FMN2: variants seen among roughly 807,000 people sequenced by gnomAD.
The protein encoded by FMN2 is formin 2.
In FMN2, 51 loss-of-function variants were observed where a neutral mutation model predicts 142.3. The observed-to-expected ratio is 0.36, with a 90% CI of 0.29 to 0.45. The LOEUF is 0.45. Among genes scored for constraint, FMN2 ranks in the 20% least tolerant of loss-of-function variants. The pLI, the probability that FMN2 is intolerant of heterozygous loss-of-function variation, is 1.00. For synonymous variants in FMN2, 882 were observed against 869.8 expected (o/e 1.01, Z -0.25); for missense variants, 1,936 against 2,122.8 (o/e 0.91, Z 1.73).
At chr1:240,397,123 C>T (rs184414137) in intron 15 of FMN2, among the ~76,000 whole-genome samples, 1 of 152,240 alleles carries the variant, frequency 6.6e-6, no homozygotes, top group East Asian at 1.9e-4. Context: ...ACATCTGTTA[C>T]GTTTTGACTT....
chr1:240,129,731 GACC>G (rs1662658897), intron 2 of FMN2, among the ~76,000 whole-genome samples: 1 of 151,958 alleles, frequency 6.6e-6, no homozygotes, highest in African/African-American at 2.4e-5. Flanking sequence ...TCGAACTCCT[GACC>G]TCAAGTGATC....
intron 7 of FMN2, among the ~76,000 whole-genome samples, chr1:240,260,551 CT>C (rs1183755934): frequency 6.6e-6 from 1 of 152,018 alleles, no homozygotes; most frequent in African/African-American, 2.4e-5. Context: ...TGTATATCTT[CT>C]TTTGAGAATT....
At chr1:240,213,047 T>C (rs976201761) in intron 6 of FMN2, among the ~76,000 whole-genome samples, 1 of 152,194 alleles carries the variant, frequency 6.6e-6, no homozygotes, top group African/African-American at 2.4e-5. Context: ...CATTCTCTGT[T>C]TGACATAGTA....
intron 14 of FMN2, among the ~76,000 whole-genome samples, chr1:240,366,627 CCT>C (rs1264883688): frequency 2.6e-5 from 4 of 151,804 alleles, no homozygotes; most frequent in Admixed American, 1.3e-4. Context: ...GCAACCTCCG[CCT>C]CTGTTTAAAG....
At chr1:240,383,441 T>C (rs1246249150) in intron 14 of FMN2, among the ~76,000 whole-genome samples, 1 of 151,946 alleles carries the variant, frequency 6.6e-6, no homozygotes, top group African/African-American at 2.4e-5. Context: ...CATTAAAAAG[T>C]TGACATTTCT....
At chr1:240,455,812 T>C (rs1287609773) in intron 16 of FMN2, among the ~76,000 whole-genome samples, 5 of 151,578 alleles carry the variant, frequency 3.3e-5, no homozygotes, top group African/African-American at 1.2e-4. Context: ...CCCATCTCTA[T>C]AAAAATACAA....
At chr1:240,360,642 G>C (rs947065741) in intron 14 of FMN2, among the ~76,000 whole-genome samples, 2 of 152,166 alleles carry the variant, frequency 1.3e-5, no homozygotes, top group African/African-American at 4.8e-5. Flanking sequence ...TTGATTATTA[G>C]AGGAATGATT....
At chr1:240,111,044 A>G (rs1445775029) in intron 1 of FMN2, among the ~76,000 whole-genome samples, 1 of 152,204 alleles carries the variant, frequency 6.6e-6, no homozygotes, top group South Asian at 2.1e-4. Context: ...TTACAAGTAG[A>G]GAGTATTTGA....
chr1:240,195,792 A>T (rs1665888945), intron 4 of FMN2, among the ~76,000 whole-genome samples: 1 of 152,124 alleles, frequency 6.6e-6, no homozygotes, highest in Non-Finnish European at 1.5e-5. Flanking sequence ...CTGAGGTGGG[A>T]GGATCACTTG....
At chr1:240,441,840 A>G (rs915385144) in intron 16 of FMN2, among the ~76,000 whole-genome samples, 19 of 152,180 alleles carry the variant, frequency 1.2e-4, no homozygotes, top group African/African-American at 4.3e-4. Flanking sequence ...CATGGAAATA[A>G]GAACTTAGCC....
chr1:240,222,359 T>G (rs1667150736), intron 6 of FMN2, among the ~76,000 whole-genome samples: 1 of 152,162 alleles, frequency 6.6e-6, no homozygotes, highest in Non-Finnish European at 1.5e-5. Context: ...ATATCTGTTT[T>G]GGTACCAGTA....
chr1:240,322,025 A>G (rs1670989470), intron 8 of FMN2, among the ~76,000 whole-genome samples: 7 of 152,188 alleles, frequency 4.6e-5, no homozygotes, highest in Admixed American at 3.9e-4. Flanking sequence ...TAATACACCT[A>G]GCTTATCTAT....
chr1:240,142,497 A>ATTTATTTATT (rs879623308), intron 2 of FMN2, among the ~76,000 whole-genome samples: 4 of 149,912 alleles, frequency 2.7e-5, no homozygotes, highest in Non-Finnish European at 3.0e-5. Flanking sequence ...TTATTTATTT[A>ATTTATTTATT]TATTTTTTGG....
chr1:240,237,326 T>A (rs1490396153), intron 6 of FMN2, among the ~76,000 whole-genome samples: 1 of 152,176 alleles, frequency 6.6e-6, no homozygotes, highest in Non-Finnish European at 1.5e-5. Flanking sequence ...TGCTTACAGT[T>A]GTTCAAGTCA....
intron 4 of FMN2, among the ~76,000 whole-genome samples, chr1:240,205,708 G>A (rs1362934873): frequency 6.6e-6 from 1 of 151,568 alleles, no homozygotes; most frequent in Non-Finnish European, 1.5e-5. Context: ...TGATCCACCC[G>A]CCTCGGCCTC....
chr1:240,245,336 T>C (rs1052102745), intron 6 of FMN2: 1 of 367,218 alleles, frequency 2.7e-6, no homozygotes, highest in Non-Finnish European at 5.4e-6. Flanking sequence ...AGAGGCAGAA[T>C]CCCAGTCTAC....
intron 7 of FMN2, among the ~76,000 whole-genome samples, chr1:240,285,755 G>T (rs1313430662): frequency 6.6e-6 from 1 of 152,164 alleles, no homozygotes; most frequent in Non-Finnish European, 1.5e-5. Context: ...GATTTCACAA[G>T]ATCTAAAACA....
rs1558293917 is a variant in FMN2, at chr1:240,098,489, A to T, written c.1615+4765A>T. Among the ~76,000 whole-genome samples the T allele has an allele frequency of 3.9e-5, 6 of 152,180 alleles. No homozygotes were observed. The South Asian group carries it at 6.2e-4, about 16-fold the overall frequency. On this transcript the variant is annotated intron_variant, in intron 1 of 17. Coordinates refer to ENST00000319653, the MANE Select transcript of FMN2 (RefSeq NM_020066.5). ...TTTTTTTAAGGCCAGGAGTAGTTTG[A>T]TTTCCAGCAGAGCCCCTGACAGAGT...
chr1:240,283,744 G>T (rs1669492172), intron 7 of FMN2, among the ~76,000 whole-genome samples: 1 of 152,120 alleles, frequency 6.6e-6, no homozygotes, highest in Admixed American at 6.6e-5. Context: ...GAATCCAAAG[G>T]TAGGGAAAGT....
Sources: gnomAD v4.1 joint callset for allele counts (sites outside exome capture counted in the v4.1 genomes callset) on GRCh38, gnomAD v4.1.1 for gene constraint, MANE v1.5 for transcripts, NCBI Gene and HGNC (gene_info 2026-07-23, HGNC 2026-07-21) for gene names.